MICALL1: variants seen among roughly 807,000 people sequenced by gnomAD.
MICALL1 encodes MICAL like 1.
A neutral mutation model predicts 83.7 loss-of-function variants in MICALL1; 61 were observed. The observed-to-expected ratio is 0.73, with a 90% CI of 0.59 to 0.90. The LOEUF is 0.90. MICALL1 is among the 40% of genes least tolerant of loss of function. The pLI is 0.00. For synonymous variants in MICALL1, 481 were observed against 473.6 expected (o/e 1.02, Z -0.20); for missense variants, 1,066 against 1,152.0 (o/e 0.93, Z 1.08).
intron 6 of MICALL1, among the ~76,000 whole-genome samples, chr22:37,923,788 C>T (rs1047130648): frequency 1.3e-5 from 2 of 152,310 alleles, no homozygotes; most frequent in Middle Eastern, 3.4e-3. Flanking sequence ...TGTCCTGGCC[C>T]ATCCACAGGC....
chr22:37,935,184 C>A (rs995014607), intron 13 of MICALL1, among the ~76,000 whole-genome samples: 15 of 146,982 alleles, frequency 1.0e-4, no homozygotes, highest in East Asian at 2.1e-4. Context: ...CACCCGCCTC[C>A]GCCTCCCAAA....
chr22:37,914,594 T>C (rs1329782779), intron 3 of MICALL1, among the ~76,000 whole-genome samples: 1 of 151,674 alleles, frequency 6.6e-6, no homozygotes, highest in Middle Eastern at 3.2e-3. Flanking sequence ...GTACATATAT[T>C]ATGTGTATAT....
chr22:37,937,917 C>T (rs1243803683), intron 15 of MICALL1, 125 bp downstream of exon 15: 10 of 1,203,672 alleles, frequency 8.3e-6, no homozygotes, highest in Middle Eastern at 5.0e-4. Flanking sequence ...ACAAACTCCG[C>T]AGCCTCTGTT....
At chr22:37,912,296 C>A in intron 2 of MICALL1, 55 bp from the exon 3 acceptor site, 1 of 1,560,116 alleles carries the variant, frequency 6.4e-7, no homozygotes, top group South Asian at 1.2e-5. Flanking sequence ...CCCCCTAACG[C>A]CTCCTCCTCT....
chr22:37,935,698 G>A (rs1461349659), intron 13 of MICALL1, among the ~76,000 whole-genome samples: 4 of 150,124 alleles, frequency 2.7e-5, no homozygotes, highest in Admixed American at 6.6e-5. Context: ...GATTACAGGC[G>A]CCCACCACCA....
chr22:37,922,092 G>A lies in MICALL1; in HGVS notation c.690G>A (p.Arg230=). Residue 230 remains arginine, a synonymous_variant, in exon 6 of 16, where the codon AGG becomes AGA. Transcript: ENST00000215957. ...RLGPGTRSGT[R]PGPFSQPKQQ... is the part of the protein sequence containing the mutation. Reference sequence around the variant, plus strand: ...GCCCGGGGACACGGTCGGGGACCAGGCCTGGGCCCTTCTCACAGCCAAAGC... The same window carrying A: ...GCCCGGGGACACGGTCGGGGACCAGACCTGGGCCCTTCTCACAGCCAAAGC... 1 of 1,613,392 alleles carries A rather than the reference G, an allele frequency of 6.2e-7. No individual in the cohort carries two copies. The highest frequency in any genetic ancestry group is 2.2e-5 in the East Asian group (1 of 44,868).
In MICALL1 at chr22:37,925,723, A is replaced by G. The variant is rs1421008754; in HGVS notation, c.1145A>G (p.Lys382Arg). Residue 382 changes from lysine to arginine, a missense_variant, in exon 8 of 16, where the codon AAG (lysine) becomes AGG (arginine). Physicochemically the swap from Lys to Arg is conservative, Grantham distance 26. Transcript: ENST00000215957. ...CTGGTGCAGGCAGAACCAAAGAAGA[A>G]GCCAGCCCCACTTCCCCCAAGCAGC... ...ITLVQAEPKK[K>R]PAPLPPSSSP... 6.2e-7 allele frequency: 1 copy of G among 1,611,572 alleles called. No homozygotes were observed. The highest frequency in any genetic ancestry group is 1.3e-5 in the African/African-American group (1 of 74,696).
intron 13 of MICALL1, among the ~76,000 whole-genome samples, chr22:37,936,272 C>T (rs187753842): frequency 3.9e-5 from 6 of 152,300 alleles, no homozygotes; most frequent in Non-Finnish European, 8.8e-5. Flanking sequence ...CCAGCATCCC[C>T]TCTAGTCTAC....
chr22:37,912,045 G>GTA (rs1244488017), intron 2 of MICALL1, 45 bp downstream of exon 2: 6 of 515,706 alleles, frequency 1.2e-5, no homozygotes, highest in Admixed American at 5.2e-5. Flanking sequence ...CTGTGTATGT[G>GTA]TGTGTGTGTG....
intron 5 of MICALL1, 108 bp downstream of exon 5, chr22:37,919,286 C>T: frequency 2.3e-6 from 3 of 1,289,214 alleles, no homozygotes; most frequent in Non-Finnish European, 3.0e-6. Context: ...CACCAGAGCC[C>T]CTGGCTTATC....
chr22:37,935,550 C>T (rs185415922), intron 13 of MICALL1, among the ~76,000 whole-genome samples: 46 of 151,518 alleles, frequency 3.0e-4, no homozygotes, highest in Non-Finnish European at 5.0e-4. Flanking sequence ...TGAGCCACCG[C>T]ACCCGGCCTA....
chr22:37,910,090 C>T (rs1928222979), intron 1 of MICALL1, among the ~76,000 whole-genome samples: 1 of 152,170 alleles, frequency 6.6e-6, no homozygotes, highest in East Asian at 1.9e-4. Context: ...TTCCCCAGAG[C>T]CAAGTAGAAC....
intron 3 of MICALL1, among the ~76,000 whole-genome samples, chr22:37,913,696 G>C (rs991868114): frequency 6.6e-6 from 1 of 152,122 alleles, no homozygotes; most frequent in Non-Finnish European, 1.5e-5. Flanking sequence ...AGATGAGATA[G>C]GCCTAGAGAG....
At chr22:37,916,878 T>G (rs1928710175) in intron 3 of MICALL1, among the ~76,000 whole-genome samples, 1 of 152,162 alleles carries the variant, frequency 6.6e-6, no homozygotes, top group Admixed American at 6.6e-5. Context: ...TTATTTCTTT[T>G]TTTGAGACAG....
At chr22:37,939,007 C>T (rs1215065645) in intron 15 of MICALL1, among the ~76,000 whole-genome samples, 2 of 152,174 alleles carry the variant, frequency 1.3e-5, no homozygotes, top group Non-Finnish European at 2.9e-5. Context: ...CTGCCCACCT[C>T]GGCCTCCCAA....
rs756791925 is a variant in MICALL1, at chr22:37,927,605, C to T, written c.1660C>T (p.Leu554Phe). Residue 554 changes from leucine (L) to phenylalanine (F), a missense_variant, in exon 9 of 16, where the codon CTC (leucine) becomes TTC (phenylalanine). Coordinates refer to ENST00000215957, the MANE Select transcript of MICALL1 (RefSeq NM_033386.4). ...TGGTACCCCTGGAAACCCTGTCAGC[C>T]TCTCTACCAACTCCTCCCTGGCCTC... ...APGTPGNPVS[L>F]STNSSLASSG... The T allele has an allele frequency of 7.4e-6, 12 of 1,613,720 alleles. No individual in the cohort carries two copies. The South Asian group carries it at 1.1e-4, about 15-fold the overall frequency.
intron 3 of MICALL1, 139 bp from the exon 4 acceptor site, chr22:37,917,568 G>C: frequency 4.2e-6 from 3 of 715,920 alleles, no homozygotes; most frequent in Non-Finnish European, 7.1e-6. Context: ...TGTGAAGCGG[G>C]AGCCAGCTCC....
chr22:37,937,126 G>A lies in MICALL1; in HGVS notation c.2355G>A (p.Met785Ile), dbSNP rs2145955171. ...ACCGGGCCCGGGAGAAGGTGCTGAT[G>A]CAGGAGCTTGTGACCCTCATTGAGC... The part of the protein sequence containing the change: ...EEDRAREKVL[M>I]QELVTLIEQR... The change falls in exon 14 of 16, where the codon ATG (methionine) becomes ATA (isoleucine). Residue 785 changes from methionine (M) to isoleucine (I), a missense_variant. Coordinates refer to ENST00000215957, the MANE Select transcript of MICALL1 (RefSeq NM_033386.4). 1.3e-6 allele frequency: 2 copies of A among 1,551,660 alleles called. No homozygotes were observed. The highest frequency in any genetic ancestry group is 3.3e-4 in the Middle Eastern group (2 of 5,990).
Position 37,925,934 on chromosome 22 carries a change from C to T in MICALL1, c.1356C>T (p.His452=). 2.5e-6 allele frequency: 4 copies of T among 1,613,350 alleles called. No individual in the cohort carries two copies. Among genetic ancestry groups the T allele is most frequent in the Non-Finnish European group, 3.4e-6 (4 of 1,179,690 alleles). The change falls in exon 8 of 16, where the codon CAC becomes CAT. Residue 452 remains histidine, a synonymous_variant. Transcript: ENST00000215957. ...TGGCCACCAGCCCTGCCCTGGGCCA[C>T]CCGGAGTCCACACCCAAGTCCCTGC... ...PSLATSPALG[H]PESTPKSLHP...
Sources: gnomAD v4.1 joint callset for allele counts (sites outside exome capture counted in the v4.1 genomes callset) on GRCh38, gnomAD v4.1.1 for gene constraint, MANE v1.5 for transcripts, NCBI Gene and HGNC (gene_info 2026-07-23, HGNC 2026-07-21) for gene names.